GXYLT2: variants seen among roughly 807,000 people sequenced by gnomAD.
The protein encoded by GXYLT2 is glycosyltransferase 8 domain containing 4.
A neutral mutation model predicts 45.8 loss-of-function variants in GXYLT2; 53 were observed. The observed-to-expected ratio is 1.16, with a 90% CI of 0.93 to 1.46. The LOEUF is 1.46. Ranked by LOEUF, GXYLT2 falls within the 40% of genes most tolerant of loss-of-function variation. The probability of loss-of-function intolerance (pLI) is 0.00; values close to 1 mark genes in which losing one functional copy is unlikely to be tolerated. For synonymous variants in GXYLT2, 219 were observed against 214.2 expected (o/e 1.02, Z -0.19); for missense variants, 551 against 544.4 (o/e 1.01, Z -0.12).
At chr3:72,915,198 A>G (rs1375518020) in intron 2 of GXYLT2, among the ~76,000 whole-genome samples, 1 of 151,968 alleles carries the variant, frequency 6.6e-6, no homozygotes, top group Non-Finnish European at 1.5e-5. Context: ...GCATCCTGAG[A>G]GTAACACAAA....
intron 1 of GXYLT2, among the ~76,000 whole-genome samples, chr3:72,897,374 T>C (rs1709314338): frequency 1.3e-5 from 2 of 152,192 alleles, no homozygotes; most frequent in African/African-American, 2.4e-5. Flanking sequence ...CAATTCCCAA[T>C]AGGTCTGGGT....
intron 2 of GXYLT2, among the ~76,000 whole-genome samples, chr3:72,914,070 C>G (rs1034972506): frequency 2.6e-5 from 4 of 152,114 alleles, no homozygotes; most frequent in Non-Finnish European, 5.9e-5. Flanking sequence ...TGTGGGCAAC[C>G]CAGGGTTTTT....
At chr3:72,932,032 G>A (rs1710047169) in intron 3 of GXYLT2, among the ~76,000 whole-genome samples, 1 of 151,212 alleles carries the variant, frequency 6.6e-6, no homozygotes, top group Non-Finnish European at 1.5e-5. Flanking sequence ...TAATTTAGAT[G>A]AAATGGACAA....
At chr3:72,899,080 T>C (rs1709350681) in intron 1 of GXYLT2, among the ~76,000 whole-genome samples, 1 of 152,158 alleles carries the variant, frequency 6.6e-6, no homozygotes, top group African/African-American at 2.4e-5. Context: ...AAATACAACA[T>C]AAAGATTAAA....
intron 2 of GXYLT2, among the ~76,000 whole-genome samples, chr3:72,916,185 T>G (rs72880214): frequency 0.017 from 2,509 of 150,642 alleles, 56 homozygotes; most frequent in African/African-American, 0.057. Flanking sequence ...CCACACTTCC[T>G]TCTCTTGCAT....
In GXYLT2 at chr3:72,958,932, A is replaced by AT. The variant is rs1041235960; in HGVS notation, c.976+1589dup. Among the ~76,000 whole-genome samples, 764 of 137,686 alleles carry AT rather than the reference A, an allele frequency of 5.5e-3. 8 individuals are homozygous for AT. Among genetic ancestry groups the AT allele is most frequent in the African/African-American group, 0.02 (722 of 35,642 alleles). 90.3% of individuals were successfully genotyped at this position (137,686 alleles called of 152,430 possible). On this transcript the variant is annotated intron_variant, in intron 5 of 6. Coordinates refer to ENST00000389617, the MANE Select transcript of GXYLT2 (RefSeq NM_001080393.2). ...TAGGCATCAGCCACGGTGCCCAGGT[A>AT]TTTTTTTTTCTTTTTTTTTTTTCTT...
In GXYLT2 at chr3:72,976,778, G is replaced by A. The variant is rs1219011934; in HGVS notation, c.*1619G>A. The A allele has an allele frequency of 2.6e-5, 4 of 151,990 alleles. No individual in the cohort carries two copies. Among genetic ancestry groups the A allele is most frequent in the Non-Finnish European group, 5.9e-5 (4 of 68,018 alleles). The allele number at this position is 151,990 out of a possible 1,614,324, so 9.4% of individuals were successfully genotyped here. A position where few individuals can be genotyped will look rare whatever the true frequency, so the allele number is the denominator to read the frequency against. ...GTAGGGTCCTGAATCATCTCTATAA[G>A]GCAAACAAGGAAATTGTAACACAAA... On this transcript the variant is annotated 3_prime_UTR_variant, in exon 7 of 7. Coordinates refer to ENST00000389617, the MANE Select transcript of GXYLT2 (RefSeq NM_001080393.2).
At chr3:72,933,368 C>T (rs1710080804) in intron 3 of GXYLT2, among the ~76,000 whole-genome samples, 1 of 152,086 alleles carries the variant, frequency 6.6e-6, no homozygotes, top group African/African-American at 2.4e-5. Flanking sequence ...CTAATAGTTG[C>T]AGTAGTTGCT....
At chr3:72,968,599 T>TGGCA (rs534793743) in intron 6 of GXYLT2, among the ~76,000 whole-genome samples, 12 of 152,212 alleles carry the variant, frequency 7.9e-5, no homozygotes, top group Non-Finnish European at 1.6e-4. Flanking sequence ...ACAGCACACA[T>TGGCA]GGCAGGAACC....
At chr3:72,889,082 T>C (rs1288814691) in intron 1 of GXYLT2, among the ~76,000 whole-genome samples, 1 of 152,144 alleles carries the variant, frequency 6.6e-6, no homozygotes, top group Admixed American at 6.5e-5. Flanking sequence ...CTCATTCTGT[T>C]TCAGGCTCGA....
rs71126804 is a variant in GXYLT2, at chr3:72,909,062, C to CTTTTTTTTT, written c.468+519_468+527dup. Among the ~76,000 whole-genome samples the CTTTTTTTTT allele has an allele frequency of 4.0e-4, 36 of 91,122 alleles. 1 individual carries two copies. Among genetic ancestry groups the CTTTTTTTTT allele is most frequent in the African/African-American group, 1.3e-3 (31 of 23,262 alleles). 59.8% of individuals were successfully genotyped at this position (91,122 alleles called of 152,430 possible). On this transcript the variant is annotated intron_variant, in intron 2 of 6. Transcript: ENST00000389617. ...CTTTTCTTTCTTTCTTTCTTCCTTT[C>CTTTTTTTTT]TTTTTTTTTTTTTTTTTTTTTTTTG... is the stretch of plus-strand genomic sequence containing the variant.
At chr3:72,901,552 C>G (rs1273517037) in intron 1 of GXYLT2, among the ~76,000 whole-genome samples, 1 of 131,366 alleles carries the variant, frequency 7.6e-6, no homozygotes, top group Admixed American at 8.1e-5. Context: ...AGAACATTTT[C>G]GCTTTTTTTT....
intron 3 of GXYLT2, among the ~76,000 whole-genome samples, chr3:72,922,876 G>A (rs1304589843): frequency 1.3e-5 from 2 of 152,084 alleles, no homozygotes; most frequent in South Asian, 2.1e-4. Flanking sequence ...CCCAGTACTT[G>A]GGGAGGCCAA....
Position 72,888,205 on chromosome 3 carries a change from G to GGGGGCC in GXYLT2, c.-27_-22dup. ...GATGCGCAGAGGGGCCGAGCCGCCT[G>GGGGGCC]GGGGCCGCCGCCGCCGCCGCGCCGC... On this transcript the variant is annotated 5_prime_UTR_variant, in exon 1 of 7. Transcript: ENST00000389617. The GGGGGCC allele has an allele frequency of 1.0e-6, 1 of 985,090 alleles. No individual in the cohort carries two copies. Among genetic ancestry groups the GGGGGCC allele is most frequent in the Non-Finnish European group, 1.2e-6 (1 of 832,506 alleles). The allele number at this position is 985,090 out of a possible 1,614,324, so 61.0% of individuals were successfully genotyped here.
Position 72,908,381 on chromosome 3 carries a change from C to T in GXYLT2, c.290C>T (p.Pro97Leu), listed in dbSNP as rs1163291212. 2 of 1,608,366 alleles carry T rather than the reference C, an allele frequency of 1.2e-6. No individual in the cohort carries two copies. The highest frequency in any genetic ancestry group is 1.7e-5 in the Admixed American group (1 of 58,334). Residue 97 changes from proline to leucine, a missense_variant, in exon 2 of 7, where the codon CCC becomes CTC. Coordinates refer to ENST00000389617, the MANE Select transcript of GXYLT2 (RefSeq NM_001080393.2). ...CCTCTTTCTAGGAGGCCTGGAGAACCCAGGAGTTTCCAAGCTGTGCTGCCA... is the reference window on the plus strand; with the variant it reads ...CCTCTTTCTAGGAGGCCTGGAGAACTCAGGAGTTTCCAAGCTGTGCTGCCA... The part of the protein sequence containing the change: ...LEKLARRPGE[P>L]RSFQAVLPPE...
At chr3:72,964,531 C>T (rs1710826803) in intron 5 of GXYLT2, among the ~76,000 whole-genome samples, 1 of 151,950 alleles carries the variant, frequency 6.6e-6, no homozygotes, top group Admixed American at 6.6e-5. Flanking sequence ...CCATGTTGGC[C>T]AGGCTGGTCT....
At chr3:72,970,887 G>T (rs1043768443) in intron 6 of GXYLT2, among the ~76,000 whole-genome samples, 1 of 152,170 alleles carries the variant, frequency 6.6e-6, no homozygotes, top group Non-Finnish European at 1.5e-5. Context: ...GCAATTTCTA[G>T]AGTTGACTTC....
intron 3 of GXYLT2, among the ~76,000 whole-genome samples, chr3:72,926,550 G>C (rs369284237): frequency 9.8e-5 from 15 of 152,302 alleles, no homozygotes; most frequent in South Asian, 4.1e-4. Context: ...TCTTAGTACA[G>C]GCCAGAAATC....
chr3:72,961,346 AG>A (rs1402904611), intron 5 of GXYLT2, among the ~76,000 whole-genome samples: 6 of 152,156 alleles, frequency 3.9e-5, no homozygotes, highest in African/African-American at 1.4e-4. Flanking sequence ...CACTCAGGCC[AG>A]CTAAGTGAGG....
Sources: gnomAD v4.1 joint callset for allele counts (sites outside exome capture counted in the v4.1 genomes callset) on GRCh38, gnomAD v4.1.1 for gene constraint, MANE v1.5 for transcripts, NCBI Gene and HGNC (gene_info 2026-07-23, HGNC 2026-07-21) for gene names.